KAZN: variants seen among roughly 807,000 people sequenced by gnomAD.
KAZN encodes kazrin.
In KAZN, 40 loss-of-function variants were observed where a neutral mutation model predicts 87.4. That is an observed-to-expected ratio of 0.46 (90% CI 0.36 to 0.60). The LOEUF (loss-of-function observed/expected upper bound fraction) is 0.60. Ranked by LOEUF, KAZN falls within the 20% of genes least tolerant of loss-of-function variation. The probability of loss-of-function intolerance (pLI) is 0.00; values close to 1 mark genes in which losing one functional copy is unlikely to be tolerated. For missense variants in KAZN, 898 were observed against 1,073.9 expected (o/e 0.84, Z 2.29); for synonymous variants, 466 against 458.3 (o/e 1.02, Z -0.22).
intron 1 of KAZN, among the ~76,000 whole-genome samples, chr1:14,746,745 G>A (rs1406306386): frequency 6.6e-6 from 1 of 152,114 alleles, no homozygotes; most frequent in Non-Finnish European, 1.5e-5. Context: ...GTGGAAAGTG[G>A]GGTGCCATGA....
chr1:14,465,462 T>G (rs1668074655), intron 2 of KAZN, among the ~76,000 whole-genome samples: 1 of 150,286 alleles, frequency 6.7e-6, no homozygotes, highest in Non-Finnish European at 1.5e-5. Flanking sequence ...GCTGGAAGTC[T>G]GGATTCTGCT....
chr1:14,677,473 A>G (rs903336105), intron 1 of KAZN, among the ~76,000 whole-genome samples: 1 of 152,162 alleles, frequency 6.6e-6, no homozygotes, highest in African/African-American at 2.4e-5. Context: ...GAGACTAGCC[A>G]GTGGTCTCTT....
chr1:14,610,919 T>A (rs1032226021), intron 1 of KAZN, among the ~76,000 whole-genome samples: 1 of 152,162 alleles, frequency 6.6e-6, no homozygotes, highest in Non-Finnish European at 1.5e-5. Context: ...CAAAATATGT[T>A]GGTTTGAATT....
chr1:14,636,276 CTG>C (rs1679978397), intron 1 of KAZN, among the ~76,000 whole-genome samples: 1 of 152,204 alleles, frequency 6.6e-6, no homozygotes, highest in African/African-American at 2.4e-5. Flanking sequence ...CCATTCTGCT[CTG>C]AAATTCCTAA....
chr1:14,695,508 A>ATTTTTTTTTTTTTTTTTTTTTTTTTTTT (rs1230082930), intron 1 of KAZN, among the ~76,000 whole-genome samples: 63 of 67,728 alleles, frequency 9.3e-4, no homozygotes, highest in Non-Finnish European at 1.3e-3. Flanking sequence ...ACTACATTCC[A>ATTTTTTTTTTTTTTTTTTTTTTTTTTTT]TCTTTTTTTT....
chr1:14,511,938 C>A (rs1244079615), intron 2 of KAZN, among the ~76,000 whole-genome samples: 1 of 152,110 alleles, frequency 6.6e-6, no homozygotes, highest in East Asian at 1.9e-4. Flanking sequence ...AGCTGCTTAT[C>A]CACTATGCAT....
Position 15,048,716 on chromosome 1 carries a change from CTGGGTCGTTGGTCA to C in KAZN, c.726+4566_726+4579del, listed in dbSNP as rs1209284942. Among the ~76,000 whole-genome samples the C allele has an allele frequency of 1.5e-4, 22 of 145,214 alleles. 1 individual carries two copies. The highest frequency in any genetic ancestry group is 1.8e-4 in the Non-Finnish European group (12 of 67,450). On this transcript the variant is annotated intron_variant, in intron 4 of 14. Transcript: ENST00000376030. Reference sequence around the variant, plus strand: ...GGTCGTTGATCCTTGGTCGTTGGTCCTGGGTCGTTGGTCATGGGTCGTCGATCCTGGGTCGTCGA... The same window carrying C: ...GGTCGTTGATCCTTGGTCGTTGGTCCTGGGTCGTCGATCCTGGGTCGTCGA...
chr1:14,146,270 C>G (rs1440138889), intron 1 of KAZN, among the ~76,000 whole-genome samples: 1 of 151,650 alleles, frequency 6.6e-6, no homozygotes, highest in Non-Finnish European at 1.5e-5. Flanking sequence ...CACGGTGGCT[C>G]ATGCCTGTAA....
chr1:14,269,591 T>C (rs1457699282), intron 2 of KAZN, among the ~76,000 whole-genome samples: 2 of 152,076 alleles, frequency 1.3e-5, no homozygotes, highest in Non-Finnish European at 2.9e-5. Context: ...GGTAAAAACA[T>C]GTGGGCTGGG....
Position 13,955,012 on chromosome 1 carries a change from A to G in KAZN, c.91+61256A>G, listed in dbSNP as rs80300919. Among the ~76,000 whole-genome samples, 276 of 152,312 alleles carry G rather than the reference A, an allele frequency of 1.8e-3. 1 individual carries two copies. The highest frequency in any genetic ancestry group is 6.6e-3 in the African/African-American group (274 of 41,558). ...TTGACTCCTCGAAAGTAACATTTTC[A>G]CTTTGACTGTGTATAAGGCACTGTG... On this transcript the variant is annotated intron_variant, in intron 1 of 16. Transcript: ENST00000636203.
intron 1 of KAZN, among the ~76,000 whole-genome samples, chr1:13,939,220 T>G: frequency 6.6e-6 from 1 of 152,260 alleles, no homozygotes; most frequent in East Asian, 1.9e-4. Context: ...TATATTCTGC[T>G]TCCTCTTTGA....
chr1:14,907,057 G>A (rs1051931337), intron 1 of KAZN, among the ~76,000 whole-genome samples: 5 of 151,500 alleles, frequency 3.3e-5, no homozygotes, highest in Admixed American at 2.0e-4. Context: ...GCAACTCCTC[G>A]GAGTTTATTA....
At chr1:14,068,900 G>A (rs1012060680) in intron 1 of KAZN, among the ~76,000 whole-genome samples, 2 of 151,428 alleles carry the variant, frequency 1.3e-5, no homozygotes, top group African/African-American at 4.9e-5. Context: ...CCGAGTTCAA[G>A]TGATTCTCCT....
In KAZN at chr1:14,614,302, C is replaced by T. The variant is rs114834480; in HGVS notation, c.226+15079C>T. Among the ~76,000 whole-genome samples, 1,378 of 152,322 alleles carry T rather than the reference C, an allele frequency of 9.0e-3. 24 individuals are homozygous for T. Among genetic ancestry groups the T allele is most frequent in the African/African-American group, 0.03 (1,249 of 41,564 alleles). ...CACCCTAAGCTGTCTTATAATAAACCACTCTCTTTATAGTAAGCCTTCCTT... is the reference window on the plus strand; with the variant it reads ...CACCCTAAGCTGTCTTATAATAAACTACTCTCTTTATAGTAAGCCTTCCTT... On this transcript the variant is annotated intron_variant, in intron 1 of 14. Coordinates refer to ENST00000376030, the MANE Select transcript of KAZN (RefSeq NM_201628.3).
At chr1:14,139,778 T>C (rs1018834834) in intron 1 of KAZN, among the ~76,000 whole-genome samples, 9 of 152,240 alleles carry the variant, frequency 5.9e-5, no homozygotes, top group African/African-American at 2.2e-4. Context: ...GCATCAGCCA[T>C]GCTCTGGGCC....
intron 2 of KAZN, among the ~76,000 whole-genome samples, chr1:14,583,787 C>T (rs901514749): frequency 8.5e-5 from 13 of 152,124 alleles, no homozygotes; most frequent in South Asian, 2.1e-4. Context: ...GTGTGATGAT[C>T]GCGTTTATTC....
intron 1 of KAZN, among the ~76,000 whole-genome samples, chr1:14,672,129 G>A (rs971204654): frequency 2.0e-5 from 3 of 152,024 alleles, no homozygotes; most frequent in Non-Finnish European, 4.4e-5. Flanking sequence ...GCCCAAGCTG[G>A]CAGAATTTGT....
chr1:14,003,295 A>G (rs1639883810), intron 1 of KAZN, among the ~76,000 whole-genome samples: 2 of 151,462 alleles, frequency 1.3e-5, no homozygotes, highest in South Asian at 4.2e-4. Context: ...ACAAACCTAC[A>G]CGTTCTGCAT....
At chr1:14,536,434 G>T (rs925774343) in intron 2 of KAZN, among the ~76,000 whole-genome samples, 2 of 152,174 alleles carry the variant, frequency 1.3e-5, no homozygotes, top group African/African-American at 4.8e-5. Flanking sequence ...GAGACTAATA[G>T]TTGTCAGATG....
Sources: gnomAD v4.1 joint callset for allele counts (sites outside exome capture counted in the v4.1 genomes callset) on GRCh38, gnomAD v4.1.1 for gene constraint, MANE v1.5 for transcripts, NCBI Gene and HGNC (gene_info 2026-07-23, HGNC 2026-07-21) for gene names.